The following RXRG variants were observed in gnomAD, a reference collection of about 807,000 sequenced individuals.
The protein encoded by RXRG is retinoid X receptor gamma.
A neutral mutation model predicts 49.2 loss-of-function variants in RXRG; 19 were observed. The ratio of observed to expected loss-of-function variants is 0.39; its 90% CI spans 0.27 to 0.57. The LOEUF is 0.57. Among genes scored for constraint, RXRG ranks in the 20% least tolerant of loss-of-function variants. The pLI, the probability that RXRG is intolerant of heterozygous loss-of-function variation, is 0.64. For synonymous variants in RXRG, 224 were observed against 216.6 expected, an observed-to-expected ratio of 1.03 and a Z score of -0.30; for missense variants, 452 against 592.5, an observed-to-expected ratio of 0.76 and a Z score of 2.46.
At chr1:165,405,643 A>G (rs1657720124) in intron 9 of RXRG, among the ~76,000 whole-genome samples, 1 of 152,252 alleles carries the variant, frequency 6.6e-6, no homozygotes, top group Non-Finnish European at 1.5e-5. Flanking sequence ...ACAAGAAAAA[A>G]GGAGTCTTGG....
At chr1:165,435,668 A>T (rs1658800215) in intron 1 of RXRG, among the ~76,000 whole-genome samples, 3 of 152,228 alleles carry the variant, frequency 2.0e-5, no homozygotes. Context: ...TTCCTTTTGA[A>T]CACACATAAT....
intron 1 of RXRG, among the ~76,000 whole-genome samples, chr1:165,431,714 A>G (rs1258393964): frequency 6.6e-6 from 1 of 152,182 alleles, no homozygotes; most frequent in South Asian, 2.1e-4. Flanking sequence ...CATCAGGCCT[A>G]GACTGAGGGC....
At chr1:165,433,286 A>G (rs969067110) in intron 1 of RXRG, among the ~76,000 whole-genome samples, 3 of 152,288 alleles carry the variant, frequency 2.0e-5, no homozygotes, top group South Asian at 4.1e-4. Flanking sequence ...CCTATTATTT[A>G]TAAATTACCT....
intron 8 of RXRG, among the ~76,000 whole-genome samples, chr1:165,407,874 A>T (rs1361578541): frequency 1.3e-5 from 2 of 150,634 alleles, no homozygotes; most frequent in Non-Finnish European, 3.0e-5. Flanking sequence ...AAACCCAGAG[A>T]GTCATCTATA....
intron 2 of RXRG, among the ~76,000 whole-genome samples, chr1:165,426,720 A>G (rs1658497688): frequency 1.3e-5 from 2 of 152,218 alleles, no homozygotes; most frequent in Admixed American, 6.5e-5. Context: ...CTCCAGAGAA[A>G]CAGAATCTAT....
intron 2 of RXRG, among the ~76,000 whole-genome samples, chr1:165,425,913 A>G (rs1658471037): frequency 6.6e-6 from 1 of 152,230 alleles, no homozygotes; most frequent in South Asian, 2.1e-4. Flanking sequence ...GCCAACAGGA[A>G]GATCTTGGGG....
intron 1 of RXRG, among the ~76,000 whole-genome samples, chr1:165,442,518 C>T (rs550869193): frequency 1.3e-5 from 2 of 152,322 alleles, no homozygotes; most frequent in South Asian, 4.1e-4. Context: ...TTACTTCTAT[C>T]TGAAATCTAA....
chr1:165,432,843 C>T (rs997832164), intron 1 of RXRG, among the ~76,000 whole-genome samples: 1 of 152,188 alleles, frequency 6.6e-6, no homozygotes, highest in Non-Finnish European at 1.5e-5. Context: ...TAGGATAAGT[C>T]TAGTCCAAAT....
intron 1 of RXRG, among the ~76,000 whole-genome samples, chr1:165,433,118 C>T (rs1373994672): frequency 6.6e-6 from 1 of 152,158 alleles, no homozygotes; most frequent in African/African-American, 2.4e-5. Context: ...TACCTTTCAT[C>T]CCTTCTGCAT....
chr1:165,407,517 C>T (rs1046723775), intron 8 of RXRG, among the ~76,000 whole-genome samples: 1 of 152,110 alleles, frequency 6.6e-6, no homozygotes, highest in Non-Finnish European at 1.5e-5. Flanking sequence ...CCTTTTTTAC[C>T]TGACCTCTAA....
chr1:165,411,894 T>A (rs1322846297), intron 4 of RXRG, among the ~76,000 whole-genome samples: 1 of 152,182 alleles, frequency 6.6e-6, no homozygotes, highest in East Asian at 1.9e-4. Context: ...AAAGTCTCTG[T>A]TGGGTTAGTT....
intron 1 of RXRG, among the ~76,000 whole-genome samples, chr1:165,444,330 GT>G (rs971278148): frequency 6.6e-6 from 1 of 152,114 alleles, no homozygotes. Context: ...AAAGCACTAT[GT>G]TTTCTTTTTA....
intron 9 of RXRG, among the ~76,000 whole-genome samples, chr1:165,405,484 G>A (rs1657715417): frequency 6.6e-6 from 1 of 152,172 alleles, no homozygotes; most frequent in African/African-American, 2.4e-5. Context: ...CACGTGACTT[G>A]GCATCAGCTA....
intron 9 of RXRG, among the ~76,000 whole-genome samples, chr1:165,406,570 TA>T (rs1427525041): frequency 3.3e-5 from 5 of 152,256 alleles, no homozygotes; most frequent in African/African-American, 1.2e-4. Context: ...ATCCTCCATT[TA>T]AAGATGTGTA....
At chr1:165,410,926 C>T (rs377000027) in intron 5 of RXRG, 23 bp downstream of exon 5, 2 of 1,613,812 alleles carry the variant, frequency 1.2e-6, no homozygotes, top group East Asian at 4.5e-5. Flanking sequence ...ATGGAACACA[C>T]ATGTGTGTCT....
At chr1:165,438,462 C>T (rs572733184) in intron 1 of RXRG, among the ~76,000 whole-genome samples, 21 of 152,222 alleles carry the variant, frequency 1.4e-4, no homozygotes, top group African/African-American at 1.9e-4. Flanking sequence ...CTTTAAGGTC[C>T]GTAGTTTTAT....
chr1:165,420,674 T>G (rs978045450), intron 2 of RXRG, among the ~76,000 whole-genome samples: 2 of 152,176 alleles, frequency 1.3e-5, no homozygotes, highest in African/African-American at 4.8e-5. Flanking sequence ...CAGCTCCCCA[T>G]CACCATCCCT....
chr1:165,407,752 C>T (rs1275555880), intron 8 of RXRG, among the ~76,000 whole-genome samples: 4 of 152,132 alleles, frequency 2.6e-5, no homozygotes, highest in African/African-American at 7.2e-5. Context: ...GACAAGATCC[C>T]GATTCCTACC....
At position 165,419,966 on chromosome 1, in the gene RXRG, G is replaced by A. The variant is rs571691252; in HGVS notation, c.346C>T (p.Pro116Ser). 2.5e-6 allele frequency: 4 copies of A among 1,612,784 alleles called. No homozygotes were observed. Among genetic ancestry groups the A allele is most frequent in the Non-Finnish European group, 3.4e-6 (4 of 1,179,056 alleles). Residue 116 changes from proline to serine, a missense_variant, in exon 3 of 10, where the codon CCA becomes TCA. Physicochemically the swap from Pro to Ser is moderately conservative, Grantham distance 74. Transcript: ENST00000359842. Reference protein sequence around the residue: ...VSSSEDIKPLPGLPGIGNMNY... With the variant: ...VSSSEDIKPLSGLPGIGNMNY... Reference sequence around the variant, plus strand: ...ATGTTTCCAATCCCGGGAAGCCCTGGTAAGGGCTTGATGTCCTCTGAACTG... The same window carrying A: ...ATGTTTCCAATCCCGGGAAGCCCTGATAAGGGCTTGATGTCCTCTGAACTG...
Sources: allele counts gnomAD v4.1 joint callset (sites outside exome capture counted in the v4.1 genomes callset), GRCh38; gene constraint gnomAD v4.1.1; transcripts MANE v1.5; gene names NCBI Gene and HGNC (gene_info 2026-07-23, HGNC 2026-07-21).